Variants in TPTE2 observed in about 807,000 individuals in gnomAD.
TPTE2 encodes the protein transmembrane phosphoinositide 3-phosphatase and tensin homolog 2.
A neutral mutation model predicts 78.6 loss-of-function variants in TPTE2; 53 were observed. The observed-to-expected ratio is 0.67, with a 90% CI of 0.54 to 0.85. TPTE2 has a LOEUF of 0.85. Ranked by LOEUF, TPTE2 falls within the 40% of genes least tolerant of loss-of-function variation. The pLI, the probability that TPTE2 is intolerant of heterozygous loss-of-function variation, is 0.00. For missense variants in TPTE2, 461 were observed against 623.0 expected (o/e 0.74, Z 2.77); for synonymous variants, 175 against 206.2 (o/e 0.85, Z 1.30).
At chr13:19,446,565 TA>T (rs992935569) in intron 13 of TPTE2, among the ~76,000 whole-genome samples, 26 of 152,306 alleles carry the variant, frequency 1.7e-4, no homozygotes, top group Admixed American at 1.0e-3. Context: ...TATATCAGTA[TA>T]GGGGTGAATT....
chr13:19,556,538 C>T, the TPTE2 span, among the ~76,000 whole-genome samples: 6 of 152,086 alleles, frequency 3.9e-5, no homozygotes, highest in Admixed American at 6.6e-5. Context: ...TTCTCCCCCC[C>T]ACCTTTGAGT....
intron 3 of TPTE2, among the ~76,000 whole-genome samples, chr13:19,488,165 G>T (rs1048912460): frequency 1.6e-4 from 25 of 152,198 alleles, no homozygotes; most frequent in African/African-American, 5.8e-4. Context: ...TCTTAGACGT[G>T]TATTTGTTGC....
chr13:19,458,240 C>G (rs918493770), intron 10 of TPTE2, among the ~76,000 whole-genome samples: 1 of 152,192 alleles, frequency 6.6e-6, no homozygotes, highest in Non-Finnish European at 1.5e-5. Flanking sequence ...CATTTAACCA[C>G]AAGCCAGTCT....
At chr13:19,439,823 T>C (rs1318648111) in intron 13 of TPTE2, among the ~76,000 whole-genome samples, 1 of 152,156 alleles carries the variant, frequency 6.6e-6, no homozygotes, top group Non-Finnish European at 1.5e-5. Flanking sequence ...CTGAAAACTT[T>C]ATCAATAGAC....
chr13:19,509,361 C>T (rs923856773), intron 1 of TPTE2, among the ~76,000 whole-genome samples: 35 of 152,220 alleles, frequency 2.3e-4, no homozygotes, highest in African/African-American at 7.9e-4. Flanking sequence ...GAAAAGATTA[C>T]TACAATAGAC....
chr13:19,443,443 T>C (rs1281875639), intron 13 of TPTE2, among the ~76,000 whole-genome samples: 3 of 149,750 alleles, frequency 2.0e-5, no homozygotes, highest in African/African-American at 4.9e-5. Flanking sequence ...TCTCACTCTG[T>C]CATCCAGGCT....
At chr13:19,532,732 C>T (rs535787853) in intron 1 of TPTE2, among the ~76,000 whole-genome samples, 41 of 152,348 alleles carry the variant, frequency 2.7e-4, no homozygotes, top group African/African-American at 9.6e-4. Flanking sequence ...CATTCTTCCA[C>T]TCACTCAACT....
intron 14 of TPTE2, 54 bp from the exon 18 acceptor site, chr13:19,436,360 A>T (rs1465286576): frequency 1.0e-5 from 15 of 1,498,374 alleles, no homozygotes; most frequent in Admixed American, 1.8e-5. Flanking sequence ...TTCCTTTCCT[A>T]TATTAGGTAC....
intron 6 of TPTE2, 132 bp downstream of exon 9, chr13:19,473,782 G>C: frequency 1.3e-6 from 1 of 746,898 alleles, no homozygotes; most frequent in Admixed American, 3.7e-5. Context: ...TTTTAATAGA[G>C]ACGGGGTTTC....
chr13:19,461,532 G>C (rs974130275), intron 10 of TPTE2, among the ~76,000 whole-genome samples: 2 of 152,070 alleles, frequency 1.3e-5, no homozygotes, highest in African/African-American at 4.8e-5. Context: ...CTATCTGTAA[G>C]CTTAAATCTC....
intron 1 of TPTE2, among the ~76,000 whole-genome samples, chr13:19,513,822 A>T (rs1035978924): frequency 2.6e-5 from 4 of 152,164 alleles, no homozygotes; most frequent in African/African-American, 9.7e-5. Flanking sequence ...ATTTGCTTCA[A>T]ATTCATTCCC....
chr13:19,555,306 T>A, the TPTE2 span, among the ~76,000 whole-genome samples: 1 of 152,160 alleles, frequency 6.6e-6, no homozygotes, highest in Non-Finnish European at 1.5e-5. Flanking sequence ...GACTGTATCC[T>A]CTGTAGCAGT....
chr13:19,517,496 A>G (rs1052471907), intron 1 of TPTE2, among the ~76,000 whole-genome samples: 1 of 152,072 alleles, frequency 6.6e-6, no homozygotes, highest in African/African-American at 2.4e-5. Flanking sequence ...GCTGGGTATA[A>G]GCAAACTTTC....
chr13:19,493,541 A>G, intron 1 of TPTE2, 40 bp from the exon 5 acceptor site: 1 of 1,593,862 alleles, frequency 6.3e-7, no homozygotes, highest in Non-Finnish European at 8.6e-7. Context: ...GAGGAGACAT[A>G]ATTCTGAATT....
chr13:19,512,375 T>C (rs185203185), intron 1 of TPTE2, among the ~76,000 whole-genome samples: 14 of 152,312 alleles, frequency 9.2e-5, no homozygotes, highest in Admixed American at 7.2e-4. Context: ...ACTTCAAAAA[T>C]ATCTAAAAGT....
the TPTE2 span, among the ~76,000 whole-genome samples, chr13:19,551,700 C>A: frequency 6.6e-6 from 1 of 152,042 alleles, no homozygotes; most frequent in South Asian, 2.1e-4. Flanking sequence ...ATATTATTTA[C>A]ATATAAGACT....
At chr13:19,464,656 A>G in intron 9 of TPTE2, 136 bp from the exon 13 acceptor site, 1 of 849,758 alleles carries the variant, frequency 1.2e-6, no homozygotes. Context: ...GAAAAGAGCT[A>G]ATACTCAGGA....
intron 14 of TPTE2, among the ~76,000 whole-genome samples, 167 bp downstream of exon 17, chr13:19,437,925 C>A (rs1403629255): frequency 6.6e-6 from 1 of 152,094 alleles, no homozygotes; most frequent in Non-Finnish European, 1.5e-5. Context: ...AACTAGTGCA[C>A]GTTAAACAAG....
the TPTE2 span, among the ~76,000 whole-genome samples, chr13:19,542,945 C>A: frequency 0.03 from 4,557 of 151,770 alleles, 186 homozygotes; most frequent in African/African-American, 0.09. Context: ...GAGCTATGTG[C>A]CAGTGTACTC....
Sources: allele counts gnomAD v4.1 joint callset (sites outside exome capture counted in the v4.1 genomes callset), GRCh38; gene constraint gnomAD v4.1.1; transcripts MANE v1.5; gene names NCBI Gene and HGNC (gene_info 2026-07-23, HGNC 2026-07-21).